COL23A1: variants seen among roughly 807,000 people sequenced by gnomAD.
COL23A1 encodes the protein collagen alpha-1(XXIII) chain.
Under a neutral mutation model 99.3 loss-of-function variants are expected in COL23A1, and 97 were observed. The ratio of observed to expected loss-of-function variants is 0.98; its 90% CI spans 0.83 to 1.16. The LOEUF is 1.16. COL23A1 is among the 50% of genes most tolerant of loss of function. The pLI is 0.00. For synonymous variants in COL23A1, 320 were observed against 308.2 expected, an observed-to-expected ratio of 1.04 and a Z score of -0.40; for missense variants, 762 against 757.4, an observed-to-expected ratio of 1.01 and a Z score of -0.07.
chr5:178,331,649 G>T (rs1341290174), intron 2 of COL23A1, among the ~76,000 whole-genome samples: 3 of 152,150 alleles, frequency 2.0e-5, no homozygotes, highest in Non-Finnish European at 4.4e-5. Context: ...ACACCATAGG[G>T]CGCCTGAGTT....
chr5:178,239,193 A>C lies in COL23A1; in HGVS notation c.1582-14T>G. On this transcript the variant is annotated splice_polypyrimidine_tract_variant and intron_variant, in intron 27 of 28. Coordinates refer to ENST00000390654, the MANE Select transcript of COL23A1 (RefSeq NM_173465.4). ...CCCGTCGGGGCCCTGGAAAGGAAGAAGGTTTCAGTGATGGGGATGGGGCCT... is the reference window on the plus strand; with the variant it reads ...CCCGTCGGGGCCCTGGAAAGGAAGACGGTTTCAGTGATGGGGATGGGGCCT... The C allele has an allele frequency of 2.5e-6, 4 of 1,613,994 alleles. No homozygotes were observed. The highest frequency in any genetic ancestry group is 2.5e-6 in the Non-Finnish European group (3 of 1,179,928).
At chr5:178,414,313 G>A (rs1457963763) in intron 2 of COL23A1, among the ~76,000 whole-genome samples, 1 of 152,248 alleles carries the variant, frequency 6.6e-6, no homozygotes, top group East Asian at 1.9e-4. Context: ...AGCTCTCAGA[G>A]GGCAGGAATT....
chr5:178,353,956 C>G, intron 2 of COL23A1, among the ~76,000 whole-genome samples: 1 of 141,000 alleles, frequency 7.1e-6, no homozygotes, highest in East Asian at 2.0e-4. Flanking sequence ...AAAAAAAAAC[C>G]AAAAAAACCC....
chr5:178,477,102 C>T (rs183469479), intron 2 of COL23A1, among the ~76,000 whole-genome samples: 74 of 152,270 alleles, frequency 4.9e-4, no homozygotes, highest in African/African-American at 1.7e-3. Context: ...TAAGCAATGA[C>T]GGCTGGATCT....
intron 2 of COL23A1, among the ~76,000 whole-genome samples, chr5:178,547,820 CCCACCTACACA>C: frequency 4.9e-5 from 1 of 20,278 alleles, no homozygotes; most frequent in Non-Finnish European, 8.9e-5. Flanking sequence ...CCCACACCCA[CCCACCTACACA>C]CCCCCACACC....
chr5:178,417,461 A>G (rs1353335325), intron 2 of COL23A1, among the ~76,000 whole-genome samples: 1 of 152,100 alleles, frequency 6.6e-6, no homozygotes, highest in Non-Finnish European at 1.5e-5. Context: ...GCTTCCGATC[A>G]CTGCCCAAAG....
At chr5:178,495,715 G>A (rs911964557) in intron 2 of COL23A1, among the ~76,000 whole-genome samples, 9 of 152,128 alleles carry the variant, frequency 5.9e-5, no homozygotes, top group Non-Finnish European at 1.0e-4. Flanking sequence ...ACAGCAAGCT[G>A]CAATATGAAA....
intron 8 of COL23A1, among the ~76,000 whole-genome samples, chr5:178,264,791 G>A (rs369522950): frequency 3.3e-5 from 5 of 152,180 alleles, no homozygotes; most frequent in African/African-American, 1.2e-4. Context: ...CGAGTAGGTG[G>A]GATTATTATT....
At chr5:178,515,247 C>A (rs1759438652) in intron 2 of COL23A1, among the ~76,000 whole-genome samples, 1 of 152,188 alleles carries the variant, frequency 6.6e-6, no homozygotes, top group Non-Finnish European at 1.5e-5. Flanking sequence ...CTGCACTGCC[C>A]CATCTGCAGC....
At chr5:178,426,754 A>G (rs1765960572) in intron 2 of COL23A1, among the ~76,000 whole-genome samples, 1 of 152,210 alleles carries the variant, frequency 6.6e-6, no homozygotes, top group African/African-American at 2.4e-5. Flanking sequence ...TATACAAAGA[A>G]CTCTTAAAAC....
intron 2 of COL23A1, among the ~76,000 whole-genome samples, chr5:178,400,494 G>A (rs535825042): frequency 6.6e-6 from 1 of 151,366 alleles, no homozygotes; most frequent in Non-Finnish European, 1.5e-5. Context: ...GTCCTCTGTA[G>A]GAGGATCTGT....
intron 2 of COL23A1, among the ~76,000 whole-genome samples, chr5:178,469,460 A>G (rs1176360752): frequency 6.6e-6 from 1 of 152,060 alleles, no homozygotes; most frequent in Non-Finnish European, 1.5e-5. Flanking sequence ...TCCATCACAC[A>G]CACATGCTGA....
intron 11 of COL23A1, among the ~76,000 whole-genome samples, chr5:178,259,987 C>G (rs1432534239): frequency 1.3e-5 from 2 of 152,210 alleles, no homozygotes; most frequent in African/African-American, 4.8e-5. Context: ...GGAGAGGTGA[C>G]TCCTGCCGTC....
At position 178,415,403 on chromosome 5, in the gene COL23A1, C is replaced by A. The variant is rs1765250977; in HGVS notation, c.362-108484G>T. On this transcript the variant is annotated intron_variant, in intron 2 of 28. Coordinates refer to ENST00000390654, the MANE Select transcript of COL23A1 (RefSeq NM_173465.4). The surrounding 1 kb of genome is among the most constrained non-coding windows in gnomAD (Gnocchi z 4.6). ...GTCTAAAAACCGTCCTGCCCCCCAC[C>A]CTCAGTGCACAGGCTGTGGCCTCTT... Among the ~76,000 whole-genome samples the A allele has an allele frequency of 6.6e-6, 1 of 152,164 alleles. No homozygotes were observed. Among genetic ancestry groups the A allele is most frequent in the South Asian group, 2.1e-4 (1 of 4,824 alleles).
rs1761491388 is a variant in COL23A1 at position 178,544,784 on chromosome 5, G to C, written c.361+15898C>G. Reference sequence around the variant, plus strand: ...CCACTGGGGTAGTACGTTCGGGCCAGACGTGGTGGCTCATAGCTGTAACCC... The same window carrying C: ...CCACTGGGGTAGTACGTTCGGGCCACACGTGGTGGCTCATAGCTGTAACCC... On this transcript the variant is annotated intron_variant, in intron 2 of 28. Transcript: ENST00000390654. The surrounding 1 kb of genome is among the most constrained non-coding windows in gnomAD (Gnocchi z 4.4). 6.6e-6 allele frequency among the ~76,000 whole-genome samples: 1 copy of C among 152,222 alleles called. No individual in the cohort carries two copies. The highest frequency in any genetic ancestry group is 1.5e-5 in the Non-Finnish European group (1 of 68,038).
At chr5:178,452,721 A>C (rs1392549694) in intron 2 of COL23A1, among the ~76,000 whole-genome samples, 1 of 152,196 alleles carries the variant, frequency 6.6e-6, no homozygotes, top group Non-Finnish European at 1.5e-5. Flanking sequence ...TAATAAGTGC[A>C]CTGCAAATTG....
intron 2 of COL23A1, among the ~76,000 whole-genome samples, chr5:178,350,453 G>A (rs917993291): frequency 3.3e-5 from 5 of 152,168 alleles, no homozygotes; most frequent in African/African-American, 7.2e-5. Context: ...GGGCAGGGCC[G>A]TCAGGAAGCA....
chr5:178,565,438 C>T (rs1762794414), intron 1 of COL23A1, among the ~76,000 whole-genome samples: 1 of 152,166 alleles, frequency 6.6e-6, no homozygotes, highest in South Asian at 2.1e-4. Flanking sequence ...CTTCTCTGCT[C>T]CCCTTCTACC....
chr5:178,343,699 G>A (rs540844403), intron 2 of COL23A1, among the ~76,000 whole-genome samples: 1 of 143,874 alleles, frequency 7.0e-6, no homozygotes, highest in Admixed American at 7.1e-5. Flanking sequence ...TCTTGCTCTT[G>A]TCGCCCAGGC....
Sources: gnomAD v4.1 joint callset for allele counts (sites outside exome capture counted in the v4.1 genomes callset) on GRCh38, gnomAD v4.1.1 for gene constraint, Gnocchi (gnomAD v3.1) non-coding constraint, MANE v1.5 for transcripts, NCBI Gene and HGNC (gene_info 2026-07-23, HGNC 2026-07-21) for gene names.